ADCY9: variants seen among roughly 807,000 people sequenced by gnomAD.
ADCY9 encodes the protein adenylate cyclase type 9.
A neutral mutation model predicts 101.5 loss-of-function variants in ADCY9; 50 were observed. That is an observed-to-expected ratio of 0.49 (90% confidence interval 0.39 to 0.62). The LOEUF (loss-of-function observed/expected upper bound fraction) is 0.62. ADCY9 is among the 20% of genes least tolerant of loss of function. The pLI, the probability that ADCY9 is intolerant of heterozygous loss-of-function variation, is 0.00. For synonymous variants in ADCY9, 905 were observed against 769.3 expected, an observed-to-expected ratio of 1.18 and a Z score of -2.92; for missense variants, 1,662 against 1,800.4, an observed-to-expected ratio of 0.92 and a Z score of 1.39.
Position 3,993,304 on chromosome 16 carries a change from G to C in ADCY9, c.1989+102C>G, listed in dbSNP as rs753123327. 28 of 1,543,844 alleles carry C rather than the reference G, an allele frequency of 1.8e-5. No individual in the cohort carries two copies. The African/African-American group carries it at 2.9e-4, about 16-fold the overall frequency. On this transcript the variant is annotated intron_variant, in intron 4 of 10. Transcript: ENST00000294016. ...GGGTGCGGAGTGCTGTTACCCAAGA[G>C]GAGTTACTCTCAGAACTAAGAAGTC...
At chr16:4,011,044 T>C (rs928326810) in intron 2 of ADCY9, among the ~76,000 whole-genome samples, 47 of 152,256 alleles carry the variant, frequency 3.1e-4, no homozygotes, top group African/African-American at 8.2e-4. Flanking sequence ...ACCCAGCCTA[T>C]GCTGTTCTGT....
intron 5 of ADCY9, among the ~76,000 whole-genome samples, chr16:3,991,431 A>G (rs2056242815): frequency 6.6e-6 from 1 of 152,106 alleles, no homozygotes; most frequent in South Asian, 2.1e-4. Flanking sequence ...CAACTTCAGG[A>G]ATATTTGATA....
rs536806489 is a variant in ADCY9, at chr16:4,114,915, C to T, written c.528G>A (p.Ser176=). ...CGAACACCAGCAGGGTGAGAGCCAG[C>T]GAGGTCCACGCGTAATGCCGGGCGT... is the stretch of plus-strand genomic sequence containing the variant. ...KLYARHYAWT[S]LALTLLVFAL... is the part of the protein sequence containing the mutation. The change falls in exon 2 of 11, where the codon TCG becomes TCA. Residue 176 remains serine, a synonymous_variant. Transcript: ENST00000294016. This position sits in a 1 kb window ranked among gnomAD's most constrained non-coding sequence, Gnocchi z 4.3. 1.9e-6 allele frequency: 3 copies of T among 1,613,844 alleles called. No homozygotes were observed. The South Asian group carries it at 3.3e-5, about 18-fold the overall frequency.
At chr16:4,018,046 AT>A (rs2056449843) in intron 2 of ADCY9, among the ~76,000 whole-genome samples, 1 of 152,032 alleles carries the variant, frequency 6.6e-6, no homozygotes, top group Admixed American at 6.5e-5. Flanking sequence ...CCAGGAGGAG[AT>A]TTACTTGCAA....
chr16:4,038,679 A>G (rs1567448577), intron 2 of ADCY9, among the ~76,000 whole-genome samples: 1 of 152,018 alleles, frequency 6.6e-6, no homozygotes, highest in African/African-American at 2.4e-5. Context: ...GTTGGGTCTC[A>G]TCCTCACAAC....
At chr16:3,954,827 G>A (rs188706532) in intron 5 of ADCY9, among the ~76,000 whole-genome samples, 133 of 152,306 alleles carry the variant, frequency 8.7e-4, no homozygotes, top group East Asian at 2.9e-3. Context: ...CAGTGACAGA[G>A]CCATTGGTTG....
At chr16:3,975,080 G>T (rs1241130836) in intron 9 of ADCY9, among the ~76,000 whole-genome samples, 5 of 152,198 alleles carry the variant, frequency 3.3e-5, no homozygotes, top group Non-Finnish European at 7.3e-5. Context: ...AAAGGCGGCA[G>T]AGGGGTCCCC....
chr16:3,982,539 GTCCCGAGGGCCCAGCTT>G (rs2056152707), intron 7 of ADCY9: 1 of 152,270 alleles, frequency 6.6e-6, no homozygotes, highest in African/African-American at 2.4e-5. Context: ...AGCCAGGCTG[GTCCCGAGGGCCCAGCTT>G]TCCCAAGACG....
chr16:4,080,168 C>A (rs937194635), intron 2 of ADCY9, among the ~76,000 whole-genome samples: 1 of 152,068 alleles, frequency 6.6e-6, no homozygotes, highest in Non-Finnish European at 1.5e-5. Flanking sequence ...CACAAAATGA[C>A]CAACATCAAT....
rs575627043 is a variant in ADCY9 at position 3,963,353 on chromosome 16, A to G, written c.*2422T>C. 2.5e-6 allele frequency: 1 copy of G among 398,876 alleles called. No individual in the cohort carries two copies. Among genetic ancestry groups the G allele is most frequent in the African/African-American group, 2.1e-5 (1 of 48,678 alleles). The allele number at this position is 398,876 out of a possible 1,614,324, so 24.7% of individuals were successfully genotyped here. On this transcript the variant is annotated 3_prime_UTR_variant, in exon 11 of 11. Coordinates refer to ENST00000294016, the MANE Select transcript of ADCY9 (RefSeq NM_001116.4). ...CTCCAGCACGATGTGCTCGCTGCCA[A>G]CAGACAAGAGATGCACGGCGTTTCC...
At chr16:4,060,646 G>A (rs1040173356) in intron 2 of ADCY9, among the ~76,000 whole-genome samples, 3 of 152,082 alleles carry the variant, frequency 2.0e-5, no homozygotes, top group Non-Finnish European at 1.5e-5. Flanking sequence ...AAAAAAATGA[G>A]CAGGATCATC....
intron 2 of ADCY9, among the ~76,000 whole-genome samples, chr16:4,012,423 A>G (rs2056410193): frequency 6.7e-6 from 1 of 149,304 alleles, no homozygotes; most frequent in Non-Finnish European, 1.5e-5. Context: ...AACCACACAC[A>G]TGGACCCTGG....
At chr16:4,029,103 T>C (rs953015721) in intron 2 of ADCY9, among the ~76,000 whole-genome samples, 1 of 152,104 alleles carries the variant, frequency 6.6e-6, no homozygotes, top group Non-Finnish European at 1.5e-5. Flanking sequence ...TTTTTTAAAG[T>C]AAAACTTGAT....
At chr16:4,059,888 G>C (rs541754628) in intron 2 of ADCY9, among the ~76,000 whole-genome samples, 7 of 152,168 alleles carry the variant, frequency 4.6e-5, no homozygotes, top group African/African-American at 1.2e-4. Context: ...ACAGAGGAAG[G>C]CCTCATCTCA....
Position 4,114,563 on chromosome 16 carries a change from T to C in ADCY9, c.880A>G (p.Ile294Val). The stretch of plus-strand genomic sequence containing the variant: ...GACATGACGAACAGGTGGACCCCGA[T>C]GGCGTGGATGCAGCCGTGGAGCAGC... ...RGLLHGCIHA[I>V]GVHLFVMSQV... The change falls in exon 2 of 11, where the codon ATC (isoleucine) becomes GTC (valine). Residue 294 changes from isoleucine (I) to valine (V), a missense_variant. Physicochemically the swap from Ile to Val is conservative, Grantham distance 29 (BLOSUM62 3). Coordinates refer to ENST00000294016, the MANE Select transcript of ADCY9 (RefSeq NM_001116.4). This position sits in a 1 kb window ranked among gnomAD's most constrained non-coding sequence, Gnocchi z 4.3. 6.2e-7 allele frequency: 1 copy of C among 1,614,036 alleles called. No individual in the cohort carries two copies. The highest frequency in any genetic ancestry group is 8.5e-7 in the Non-Finnish European group (1 of 1,180,028).
intron 2 of ADCY9, among the ~76,000 whole-genome samples, chr16:4,055,239 G>T (rs189923781): frequency 6.6e-6 from 1 of 152,162 alleles, no homozygotes; most frequent in Non-Finnish European, 1.5e-5. Flanking sequence ...AGCCTTTTTA[G>T]ATGTCTTTTG....
chr16:4,084,522 T>C (rs1256048119), intron 2 of ADCY9, among the ~76,000 whole-genome samples: 3 of 151,956 alleles, frequency 2.0e-5, no homozygotes, highest in Non-Finnish European at 4.4e-5. Context: ...GGCCAGGAGA[T>C]TGAAACCAGA....
rs182138354 is a variant in ADCY9, at chr16:4,023,742, G to A, written c.1694-16184C>T. ...ATCCTGGCTAGCATGATGAAACCCC[G>A]TGTCTACTAAAAATACAAAAATTAG... On this transcript the variant is annotated intron_variant, in intron 2 of 10. Transcript: ENST00000294016. Among the ~76,000 whole-genome samples, 264 of 152,180 alleles carry A rather than the reference G, an allele frequency of 1.7e-3. 1 individual carries two copies. Among genetic ancestry groups the A allele is most frequent in the African/African-American group, 6.2e-3 (256 of 41,554 alleles).
At chr16:4,110,080 C>G (rs2057103851) in intron 2 of ADCY9, among the ~76,000 whole-genome samples, 1 of 152,148 alleles carries the variant, frequency 6.6e-6, no homozygotes, top group Non-Finnish European at 1.5e-5. Flanking sequence ...AGCAGGAGCC[C>G]CCTCTAAAGC....
Sources: allele counts gnomAD v4.1 joint callset (sites outside exome capture counted in the v4.1 genomes callset), GRCh38; gene constraint gnomAD v4.1.1; non-coding constraint Gnocchi (gnomAD v3.1); transcripts MANE v1.5; gene names NCBI Gene and HGNC (gene_info 2026-07-23, HGNC 2026-07-21).